TMEM230: variants seen among roughly 807,000 people sequenced by gnomAD.
TMEM230 encodes the protein UPF0414 transmembrane protein C20orf30.
In TMEM230, 10 loss-of-function variants were observed where a neutral mutation model predicts 15.8. That is an observed-to-expected ratio of 0.63 (90% CI 0.39 to 1.07). TMEM230 has a LOEUF of 1.07. TMEM230 is among the 50% of genes least tolerant of loss of function. The probability of loss-of-function intolerance (pLI) is 0.01; values close to 1 mark genes in which losing one functional copy is unlikely to be tolerated. For synonymous variants in TMEM230, 67 were observed against 76.9 expected, an observed-to-expected ratio of 0.87 and a Z score of 0.68; for missense variants, 165 against 193.3, an observed-to-expected ratio of 0.85 and a Z score of 0.87.
rs1568498512 is a variant in TMEM230, at chr20:5,100,927, G to C, written c.416C>G (p.Ala139Gly). ...GATCAGCACTGGAACGGCCCGGTCT[G>C]CCCCCTGGTGGCAGAAGGAGGCAAA... The change falls in exon 5 of 5, where the codon GCA becomes GGA. Residue 139 changes from alanine (A) to glycine (G), a missense_variant. Physicochemically the swap from Ala to Gly is moderately conservative, Grantham distance 60. Transcript: ENST00000342308. 1 of 1,614,022 alleles carries C rather than the reference G, an allele frequency of 6.2e-7. No individual in the cohort carries two copies. The highest frequency in any genetic ancestry group is 8.5e-7 in the Non-Finnish European group (1 of 1,179,942).
chr20:5,106,118 C>T, intron 4 of TMEM230, 70 bp downstream of exon 3: 1 of 1,542,564 alleles, frequency 6.5e-7, no homozygotes, highest in Non-Finnish European at 8.7e-7. Flanking sequence ...CACACACACA[C>T]ACGCACACTA....
At chr20:5,086,529 A>G (rs2089340598) in intron 3 of TMEM230, among the ~76,000 whole-genome samples, 1 of 127,228 alleles carries the variant, frequency 7.9e-6, no homozygotes, top group Admixed American at 8.3e-5. Flanking sequence ...ACAGAGCCAG[A>G]CTCTGTCTCA....
intron 3 of TMEM230, among the ~76,000 whole-genome samples, chr20:5,081,870 TTTC>T (rs1169973965): frequency 0.041 from 1,773 of 42,744 alleles, 94 homozygotes; most frequent in African/African-American, 0.093. Flanking sequence ...TTTTCTTTTT[TTTC>T]TTTTTTTTTT....
chr20:5,075,276 G>A (rs1380203558), intron 3 of TMEM230, among the ~76,000 whole-genome samples: 1 of 150,866 alleles, frequency 6.6e-6, no homozygotes, highest in Non-Finnish European at 1.5e-5. Context: ...TGTTGATCAG[G>A]CTGGTCTCGA....
chr20:5,095,194 T>G (rs1272472114), downstream of TMEM230, among the ~76,000 whole-genome samples: 2 of 152,124 alleles, frequency 1.3e-5, no homozygotes, highest in African/African-American at 2.4e-5. Context: ...GCTCTTCTTG[T>G]GTTAGTGAGA....
chr20:5,079,217 G>C (rs1451087174), intron 3 of TMEM230, among the ~76,000 whole-genome samples: 1 of 152,086 alleles, frequency 6.6e-6, no homozygotes, highest in African/African-American at 2.4e-5. Context: ...TTGATCTCCT[G>C]GGTTCAAGGA....
chr20:5,091,953 GTTTA>G (rs1031913110), intron 3 of TMEM230, among the ~76,000 whole-genome samples: 2 of 152,286 alleles, frequency 1.3e-5, no homozygotes, highest in Middle Eastern at 3.4e-3. Flanking sequence ...TTTGGTTAAT[GTTTA>G]TTTGTTTTAA....
chr20:5,110,922 C>T (rs1259987207), intron 2 of TMEM230: 3 of 152,188 alleles, frequency 2.0e-5, no homozygotes, highest in East Asian at 1.9e-4. Flanking sequence ...TAGCTCACGC[C>T]TGTAATCCCA....
At chr20:5,084,520 C>T (rs1178198343) in intron 3 of TMEM230, among the ~76,000 whole-genome samples, 1 of 151,604 alleles carries the variant, frequency 6.6e-6, no homozygotes, top group African/African-American at 2.4e-5. Context: ...CTGCGCCCGT[C>T]TTCTATTTTA....
intron 3 of TMEM230, among the ~76,000 whole-genome samples, chr20:5,072,111 C>A (rs1027265948): frequency 2.6e-5 from 4 of 152,090 alleles, no homozygotes; most frequent in Admixed American, 6.5e-5. Context: ...AGTGCAGTGG[C>A]ACCATCATGG....
At chr20:5,071,279 G>A (rs1424686890) in intron 3 of TMEM230, among the ~76,000 whole-genome samples, 1 of 152,162 alleles carries the variant, frequency 6.6e-6, no homozygotes, top group African/African-American at 2.4e-5. Flanking sequence ...GGGAATGGAC[G>A]TGTAGGGACG....
At chr20:5,111,710 G>A in intron 1 of TMEM230, 1 of 821,510 alleles carries the variant, frequency 1.2e-6, no homozygotes, top group Non-Finnish European at 1.5e-6. Flanking sequence ...CTCTGGGATG[G>A]CATTTTTAAA....
the TMEM230 span, among the ~76,000 whole-genome samples, chr20:5,062,709 G>T: frequency 6.6e-6 from 1 of 152,152 alleles, no homozygotes; most frequent in African/African-American, 2.4e-5. Context: ...GCTGCAGTGA[G>T]CCCTGACAGT....
At chr20:5,059,400 T>C in the TMEM230 span, among the ~76,000 whole-genome samples, 1 of 152,208 alleles carries the variant, frequency 6.6e-6, no homozygotes, top group East Asian at 1.9e-4. Context: ...TAGCACATGT[T>C]GTATATAGTA....
intron 1 of TMEM230, 189 bp downstream of exon 1, chr20:5,112,772 T>A (rs1460194250): frequency 6.8e-7 from 1 of 1,476,176 alleles, no homozygotes; most frequent in Non-Finnish European, 9.0e-7. Flanking sequence ...GGGAGAGAAA[T>A]AAGAACCGAC....
chr20:5,068,194 T>C (rs545193755), downstream of TMEM230: 2 of 152,318 alleles, frequency 1.3e-5, no homozygotes, highest in South Asian at 2.1e-4. Flanking sequence ...GCAGCTGATA[T>C]TGCAGCTGTT....
chr20:5,067,663 C>T (rs1162858081), downstream of TMEM230, among the ~76,000 whole-genome samples: 2 of 150,378 alleles, frequency 1.3e-5, no homozygotes, highest in Admixed American at 6.7e-5. Context: ...AGGCTGGTCT[C>T]GAACTCCCGA....
chr20:5,080,125 T>C (rs1222841520), intron 3 of TMEM230, among the ~76,000 whole-genome samples: 1 of 152,232 alleles, frequency 6.6e-6, no homozygotes, highest in African/African-American at 2.4e-5. Flanking sequence ...AATGTTATTC[T>C]AGTAGAGTAG....
At chr20:5,062,421 T>G in the TMEM230 span, among the ~76,000 whole-genome samples, 5 of 150,562 alleles carry the variant, frequency 3.3e-5, no homozygotes, top group Non-Finnish European at 7.4e-5. Context: ...TACAGAGACC[T>G]GGATGCCCAT....
Sources: gnomAD v4.1 joint callset for allele counts (sites outside exome capture counted in the v4.1 genomes callset) on GRCh38, gnomAD v4.1.1 for gene constraint, MANE v1.5 for transcripts, NCBI Gene and HGNC (gene_info 2026-07-23, HGNC 2026-07-21) for gene names.